The following SLC25A48 variants were observed in gnomAD, a reference collection of about 807,000 sequenced individuals.
The protein encoded by SLC25A48 is CTC-321K16.1.
A neutral mutation model predicts 32.2 loss-of-function variants in SLC25A48; 29 were observed. That is an observed-to-expected ratio of 0.90 (90% CI 0.67 to 1.23). The LOEUF (loss-of-function observed/expected upper bound fraction) is 1.23, where lower values mean the gene tolerates loss of function less well. Ranked by LOEUF, SLC25A48 falls within the 50% of genes most tolerant of loss-of-function variation. The pLI is 0.00. For synonymous variants in SLC25A48, 164 were observed against 172.3 expected (o/e 0.95, Z 0.38); for missense variants, 399 against 422.7 (o/e 0.94, Z 0.49).
intron 3 of SLC25A48, among the ~76,000 whole-genome samples, chr5:135,755,702 A>T (rs1194692176): frequency 6.6e-6 from 1 of 151,956 alleles, no homozygotes; most frequent in Non-Finnish European, 1.5e-5. Flanking sequence ...GGTATTTCTT[A>T]TATCTAGTGT....
chr5:135,677,292 T>A (rs1237973730), intron 3 of SLC25A48, among the ~76,000 whole-genome samples: 1 of 152,160 alleles, frequency 6.6e-6, no homozygotes, highest in Non-Finnish European at 1.5e-5. Flanking sequence ...GAAATATGTT[T>A]CTATCCCTTT....
chr5:135,880,815 G>A (rs6876483), intron 7 of SLC25A48, among the ~76,000 whole-genome samples: 3 of 152,026 alleles, frequency 2.0e-5, no homozygotes, highest in Admixed American at 1.3e-4. Context: ...TCCTCTTCTC[G>A]CTCCTTTCCT....
At chr5:135,716,368 C>T (rs1258909814) in intron 3 of SLC25A48, among the ~76,000 whole-genome samples, 1 of 152,162 alleles carries the variant, frequency 6.6e-6, no homozygotes. Context: ...TTTATCAACA[C>T]ATTTATATGG....
At chr5:135,853,749 T>C (rs1051473131) in intron 4 of SLC25A48, among the ~76,000 whole-genome samples, 2 of 152,254 alleles carry the variant, frequency 1.3e-5, no homozygotes, top group Admixed American at 1.3e-4. Context: ...ATTGCTATTT[T>C]GACCTCCTCC....
intron 3 of SLC25A48, among the ~76,000 whole-genome samples, chr5:135,794,647 AG>A (rs1283109812): frequency 2.6e-5 from 4 of 151,660 alleles, no homozygotes; most frequent in Non-Finnish European, 4.4e-5. Context: ...CCAAGATCGC[AG>A]GGGGTGTACA....
intron 1 of SLC25A48, among the ~76,000 whole-genome samples, chr5:135,605,796 A>G (rs1405988244): frequency 2.0e-5 from 3 of 152,212 alleles, no homozygotes; most frequent in African/African-American, 7.2e-5. Context: ...TTACAGTACC[A>G]GATATGAGCA....
At chr5:135,625,033 A>G (rs1210879497) in intron 1 of SLC25A48, among the ~76,000 whole-genome samples, 1 of 152,148 alleles carries the variant, frequency 6.6e-6, no homozygotes, top group African/African-American at 2.4e-5. Flanking sequence ...GAGAAGGATG[A>G]GCCATGTGCT....
At position 135,852,742 on chromosome 5, in the gene SLC25A48, C is replaced by T. The variant is rs764821962; in HGVS notation, c.342C>T (p.Gly114=). The change falls in exon 4 of 8, where the codon GGC becomes GGT. Residue 114 remains glycine (G), a synonymous_variant. Coordinates refer to ENST00000681962, the MANE Select transcript of SLC25A48 (RefSeq NM_001349336.2). ...SDLLLASMVA[G]VVSVGLGGPV... is the part of the protein sequence containing the mutation. ...TGCTCCTGGCCAGCATGGTGGCCGG[C>T]GTGGTCTCTGTCGGGCTGGGAGGGC... is the stretch of plus-strand genomic sequence containing the variant. 3.8e-5 allele frequency: 61 copies of T among 1,613,968 alleles called. No homozygotes were observed. In the Admixed American group the frequency reaches 7.3e-4, roughly 19 times the overall value.
chr5:135,676,550 T>C (rs1474517084), intron 3 of SLC25A48, among the ~76,000 whole-genome samples: 1 of 151,976 alleles, frequency 6.6e-6, no homozygotes, highest in African/African-American at 2.4e-5. Flanking sequence ...GGGGCATCAT[T>C]AGACTGTTTA....
Position 135,852,568 on chromosome 5 carries a change from C to T in SLC25A48, c.168C>T (p.Phe56=), listed in dbSNP as rs755946082. ...CCTTCTGGTTTTCACTGCAGATGTT[C>T]GGCTTCTTCAAGGGCATGTCCTTCC... is the stretch of plus-strand genomic sequence containing the variant. The part of the protein sequence containing the change: ...IRVVYRRESM[F]GFFKGMSFPL... The change falls in exon 4 of 8, where the codon TTC becomes TTT. Residue 56 remains phenylalanine (F), a synonymous_variant. Transcript: ENST00000681962. 3.1e-6 allele frequency: 5 copies of T among 1,591,932 alleles called. No homozygotes were observed. The highest frequency in any genetic ancestry group is 1.7e-5 in the Admixed American group (1 of 59,256).
chr5:135,820,708 C>A lies in SLC25A48; in HGVS notation c.-117+7782C>A, dbSNP rs369208638. Among the ~76,000 whole-genome samples the A allele has an allele frequency of 1.2e-4, 18 of 152,240 alleles. No homozygotes were observed. In the South Asian group the frequency reaches 2.5e-3, roughly 21 times the overall value. On this transcript the variant is annotated intron_variant, in intron 4 of 10. Transcript: ENST00000646290. ...TTGGTATTTCAAATCAGGTTAGGGA[C>A]AAATAATTTATTCTTAAGTGACGTT...
chr5:135,856,351 C>T (rs952833969), intron 4 of SLC25A48, among the ~76,000 whole-genome samples: 1 of 152,210 alleles, frequency 6.6e-6, no homozygotes, highest in South Asian at 2.1e-4. Context: ...CTCTCCCTGG[C>T]AGCCTTCTGA....
At chr5:135,881,249 A>G (rs1440364550) in intron 7 of SLC25A48, among the ~76,000 whole-genome samples, 1 of 152,250 alleles carries the variant, frequency 6.6e-6, no homozygotes, top group Non-Finnish European at 1.5e-5. Flanking sequence ...AGTCTTGGTT[A>G]GCACAAATTC....
chr5:135,610,021 T>C (rs1752028398), intron 1 of SLC25A48, among the ~76,000 whole-genome samples: 1 of 152,218 alleles, frequency 6.6e-6, no homozygotes, highest in African/African-American at 2.4e-5. Context: ...AAGTAAATGT[T>C]TGTAGGCCAT....
At chr5:135,597,250 G>T (rs1300530102) in intron 1 of SLC25A48, among the ~76,000 whole-genome samples, 3 of 152,180 alleles carry the variant, frequency 2.0e-5, no homozygotes, top group African/African-American at 7.2e-5. Context: ...AAACCAAGTT[G>T]CAGATCTGAG....
At chr5:135,580,494 C>T (rs1014333616) in intron 1 of SLC25A48, among the ~76,000 whole-genome samples, 6 of 152,136 alleles carry the variant, frequency 3.9e-5, no homozygotes, top group Admixed American at 1.3e-4. Flanking sequence ...GAATCTGTGT[C>T]GTCTCTTCCC....
At chr5:135,866,928 C>T (rs1035150748) in intron 4 of SLC25A48, among the ~76,000 whole-genome samples, 42 of 152,184 alleles carry the variant, frequency 2.8e-4, no homozygotes, top group African/African-American at 8.0e-4. Flanking sequence ...TTTTGAGGTA[C>T]ATAATCTCTA....
At chr5:135,611,494 C>T (rs1752062035) in intron 1 of SLC25A48, among the ~76,000 whole-genome samples, 1 of 17,986 alleles carries the variant, frequency 5.6e-5, no homozygotes, top group African/African-American at 2.2e-4. Flanking sequence ...GAGACTCCAT[C>T]TCAAAAAAAA....
intron 3 of SLC25A48, among the ~76,000 whole-genome samples, chr5:135,695,882 C>T (rs1280996950): frequency 6.6e-6 from 1 of 152,190 alleles, no homozygotes; most frequent in Non-Finnish European, 1.5e-5. Context: ...AGTCACTTGG[C>T]AAGAGAGAAA....
Sources: allele counts gnomAD v4.1 joint callset (sites outside exome capture counted in the v4.1 genomes callset), GRCh38; gene constraint gnomAD v4.1.1; transcripts MANE v1.5; gene names NCBI Gene and HGNC (gene_info 2026-07-23, HGNC 2026-07-21).